Variants in TEC observed in about 807,000 individuals in gnomAD.
The protein encoded by TEC is tyrosine-protein kinase Tec.
A neutral mutation model predicts 93.0 loss-of-function variants in TEC; 72 were observed. The observed-to-expected ratio is 0.77, with a 90% CI of 0.64 to 0.94. The LOEUF is 0.94. Ranked by LOEUF, TEC falls within the 40% of genes least tolerant of loss-of-function variation. The pLI is 0.00. For missense variants in TEC, 630 were observed against 757.9 expected (o/e 0.83, Z 1.98); for synonymous variants, 249 against 247.7 (o/e 1.01, Z -0.05).
intron 1 of TEC, among the ~76,000 whole-genome samples, chr4:48,231,906 G>C (rs1186278656): frequency 1.3e-5 from 2 of 152,172 alleles, no homozygotes; most frequent in Non-Finnish European, 2.9e-5. Context: ...AGGATAAATG[G>C]GGCAGGACTT....
rs772271293 is a variant in TEC at position 48,200,595 on chromosome 4, CT to C, written c.139-24410del. Among the ~76,000 whole-genome samples the C allele has an allele frequency of 1.4e-3, 213 of 152,290 alleles. 3 individuals carry two copies. Among genetic ancestry groups the C allele is most frequent in the Non-Finnish European group, 5.9e-4 (40 of 68,030 alleles). On this transcript the variant is annotated intron_variant, in intron 2 of 17. Coordinates refer to ENST00000381501, the MANE Select transcript of TEC (RefSeq NM_003215.3). Reference sequence around the variant, plus strand: ...TGGAACCCTGATTTTTAGGTGGTACCTTGGTACTCAGAATAAAAGACTGCAC... The same window carrying C: ...TGGAACCCTGATTTTTAGGTGGTACCTGGTACTCAGAATAAAAGACTGCAC...
chr4:48,175,996 G>GCCAT, intron 3 of TEC, 86 bp downstream of exon 3: 1 of 881,738 alleles, frequency 1.1e-6, no homozygotes, highest in Non-Finnish European at 1.7e-6. Context: ...AAATCAGCCA[G>GCCAT]CAAAGCAAGG....
At chr4:48,140,612 G>A (rs552565289) in intron 15 of TEC, among the ~76,000 whole-genome samples, 2 of 152,346 alleles carry the variant, frequency 1.3e-5, no homozygotes, top group East Asian at 3.9e-4. Flanking sequence ...TAGCAGGAAA[G>A]CAGTCACAGG....
chr4:48,225,167 T>TC (rs1375345166), intron 2 of TEC, among the ~76,000 whole-genome samples: 7 of 152,080 alleles, frequency 4.6e-5, no homozygotes, highest in Admixed American at 2.0e-4. Flanking sequence ...ATCCTTTTTT[T>TC]CTCTTTCTTT....
At chr4:48,156,767 A>T (rs1345441633) in intron 8 of TEC, 33 bp from the exon 9 acceptor site, 1 of 1,541,876 alleles carries the variant, frequency 6.5e-7, no homozygotes, top group South Asian at 1.2e-5. Flanking sequence ...TTCAGGCCTC[A>T]GGTTTTTAGG....
rs148050603 is a variant in TEC, at chr4:48,178,181, G to GTGTGTATC, written c.139-1996_139-1995insGATACACA. On this transcript the variant is annotated intron_variant, in intron 2 of 17. Coordinates refer to ENST00000381501, the MANE Select transcript of TEC (RefSeq NM_003215.3). ...CTTTCGCTGCTGCTCATCAGCCCTT[G>GTGTGTATC]TGTAGTGAAGAGAACCCAGCGGCCT... Among the ~76,000 whole-genome samples the GTGTGTATC allele has an allele frequency of 5.3e-5, 8 of 151,574 alleles. No individual in the cohort carries two copies. In the East Asian group the frequency reaches 1.2e-3, roughly 22 times the overall value.
chr4:48,255,598 G>T (rs13151613), intron 1 of TEC, among the ~76,000 whole-genome samples: 37,065 of 152,102 alleles, frequency 0.24, 4,853 homozygotes, highest in Middle Eastern at 0.32. Flanking sequence ...AGAGAGCTTT[G>T]AAGTCAGACA....
intron 8 of TEC, among the ~76,000 whole-genome samples, chr4:48,157,330 G>A (rs1322592758): frequency 6.6e-6 from 1 of 152,136 alleles, no homozygotes; most frequent in East Asian, 1.9e-4. Flanking sequence ...GGTGACAAAA[G>A]AAACGGCAAA....
chr4:48,180,408 G>C (rs1253154617), intron 2 of TEC, among the ~76,000 whole-genome samples: 6 of 152,110 alleles, frequency 3.9e-5, no homozygotes, highest in African/African-American at 1.4e-4. Flanking sequence ...CTCTTCAAGA[G>C]GATTTCATAA....
At chr4:48,142,199 A>C (rs1719702296) in intron 14 of TEC, among the ~76,000 whole-genome samples, 1 of 152,166 alleles carries the variant, frequency 6.6e-6, no homozygotes, top group African/African-American at 2.4e-5. Flanking sequence ...GGCTGGGTGC[A>C]GTGGCTCACG....
intron 14 of TEC, among the ~76,000 whole-genome samples, chr4:48,143,302 T>C (rs1719762251): frequency 6.6e-6 from 1 of 152,222 alleles, no homozygotes; most frequent in East Asian, 1.9e-4. Context: ...GGCACAGAAA[T>C]GTAAGAATCG....
At chr4:48,260,348 C>T (rs1344394234) in intron 1 of TEC, among the ~76,000 whole-genome samples, 1 of 152,164 alleles carries the variant, frequency 6.6e-6, no homozygotes, top group Non-Finnish European at 1.5e-5. Flanking sequence ...CTTTGGGAGG[C>T]CGAGGTGGGA....
chr4:48,172,526 C>A (rs914391559), intron 3 of TEC, among the ~76,000 whole-genome samples: 4 of 151,984 alleles, frequency 2.6e-5, no homozygotes, highest in African/African-American at 9.7e-5. Context: ...CCTGGAACCC[C>A]CTCGGCTCAA....
chr4:48,205,566 C>T (rs940408334), intron 2 of TEC, among the ~76,000 whole-genome samples: 2 of 152,156 alleles, frequency 1.3e-5, no homozygotes, highest in African/African-American at 4.8e-5. Context: ...GTTTTCCAGC[C>T]TATATGCATT....
At chr4:48,144,749 C>T (rs1037015425) in intron 14 of TEC, among the ~76,000 whole-genome samples, 2 of 152,124 alleles carry the variant, frequency 1.3e-5, no homozygotes, top group African/African-American at 4.8e-5. Flanking sequence ...AGTAGGCGAG[C>T]CTTTTGACTT....
At chr4:48,247,788 G>A (rs1301394817) in intron 1 of TEC, among the ~76,000 whole-genome samples, 12 of 152,152 alleles carry the variant, frequency 7.9e-5, no homozygotes, top group South Asian at 4.1e-4. Context: ...TGGCGATGAC[G>A]CATAGCATCA....
intron 2 of TEC, among the ~76,000 whole-genome samples, chr4:48,185,745 A>G (rs922954297): frequency 6.6e-6 from 1 of 152,104 alleles, no homozygotes; most frequent in Admixed American, 6.5e-5. Context: ...ATAAACAGGA[A>G]GAGGAAAATC....
chr4:48,138,553 G>T, intron 17 of TEC, 112 bp downstream of exon 17: 1 of 1,278,630 alleles, frequency 7.8e-7, no homozygotes, highest in Non-Finnish European at 1.1e-6. Flanking sequence ...CCTAGAGCTT[G>T]AAATCACTAT....
chr4:48,266,120 C>T (rs1214891856), intron 1 of TEC, among the ~76,000 whole-genome samples: 1 of 152,234 alleles, frequency 6.6e-6, no homozygotes, highest in Non-Finnish European at 1.5e-5. Context: ...TACACTCAGT[C>T]AAACTATCAA....
Sources: allele counts gnomAD v4.1 joint callset (sites outside exome capture counted in the v4.1 genomes callset), GRCh38; gene constraint gnomAD v4.1.1; transcripts MANE v1.5; gene names NCBI Gene and HGNC (gene_info 2026-07-23, HGNC 2026-07-21).